The following KLHL3 variants were observed in gnomAD, a reference collection of about 807,000 sequenced individuals.
The protein encoded by KLHL3 is kelch-like protein 3.
Under a neutral mutation model 70.5 loss-of-function variants are expected in KLHL3, and 19 were observed. That is an observed-to-expected ratio of 0.27 (90% CI 0.19 to 0.40). The LOEUF is 0.40. Among genes scored for constraint, KLHL3 ranks in the 10% least tolerant of loss-of-function variants. The pLI is 1.00. For synonymous variants in KLHL3, 258 were observed against 290.3 expected (o/e 0.89, Z 1.13); for missense variants, 512 against 771.1 (o/e 0.66, Z 3.98).
chr5:137,725,802 C>T (rs528994782), intron 1 of KLHL3, among the ~76,000 whole-genome samples: 2 of 152,186 alleles, frequency 1.3e-5, no homozygotes, highest in Non-Finnish European at 2.9e-5. Flanking sequence ...ACTACTGGTG[C>T]CATGATGAAC....
At chr5:137,699,660 C>T (rs137889934) in intron 3 of KLHL3, among the ~76,000 whole-genome samples, 98 of 152,270 alleles carry the variant, frequency 6.4e-4, no homozygotes, top group African/African-American at 1.5e-3. Flanking sequence ...ACGGGTTTAT[C>T]GAAAGCCAGG....
intron 2 of KLHL3, among the ~76,000 whole-genome samples, chr5:137,716,567 T>C (rs527682951): frequency 2.6e-5 from 4 of 152,274 alleles, no homozygotes; most frequent in South Asian, 2.1e-4. Context: ...CAATAAGCTA[T>C]AGAAGGAGCC....
At chr5:137,623,746 T>C (rs894024809) in intron 14 of KLHL3, among the ~76,000 whole-genome samples, 1 of 152,184 alleles carries the variant, frequency 6.6e-6, no homozygotes, top group African/African-American at 2.4e-5. Flanking sequence ...TCTTCACAAG[T>C]ATTACTGCAT....
intron 11 of KLHL3, 147 bp downstream of exon 11, chr5:137,637,147 C>T: frequency 1.7e-6 from 1 of 601,006 alleles, no homozygotes; most frequent in Non-Finnish European, 3.0e-6. Context: ...CTTTCCTCAT[C>T]CGCTAAATCA....
intron 8 of KLHL3, among the ~76,000 whole-genome samples, chr5:137,648,331 T>C (rs1413759204): frequency 6.6e-6 from 1 of 152,196 alleles, no homozygotes; most frequent in Non-Finnish European, 1.5e-5. Flanking sequence ...ACAGCCCAAC[T>C]CAGGAGCAAG....
In KLHL3 at chr5:137,639,604, G is replaced by T. The variant is rs575314080; in HGVS notation, c.1021+256C>A. On this transcript the variant is annotated intron_variant, in intron 9 of 14. Coordinates refer to ENST00000309755, the MANE Select transcript of KLHL3 (RefSeq NM_017415.3). The surrounding 1 kb of genome is among the most constrained non-coding windows in gnomAD (Gnocchi z 5.0). The stretch of plus-strand genomic sequence containing the variant: ...AGCTACTTGGAAGGCTGAGGTGAGA[G>T]AATCACTTGAACCCAGGAGGCAGAC... 1.3e-5 allele frequency among the ~76,000 whole-genome samples: 2 copies of T among 151,254 alleles called. No homozygotes were observed. Among genetic ancestry groups the T allele is most frequent in the East Asian group, 3.9e-4 (2 of 5,102 alleles).
rs180892133 is a variant in KLHL3, at chr5:137,727,657, A to G, written c.15-7073T>C. On this transcript the variant is annotated intron_variant, in intron 1 of 14. Coordinates refer to ENST00000309755, the MANE Select transcript of KLHL3 (RefSeq NM_017415.3). ...ATTCTCCCGTGTCTAGCTAGTTCCTACCAGCCTTCAAGCCTCTTCCCTGAA... is the reference window on the plus strand; with the variant it reads ...ATTCTCCCGTGTCTAGCTAGTTCCTGCCAGCCTTCAAGCCTCTTCCCTGAA... 2.6e-5 allele frequency among the ~76,000 whole-genome samples: 4 copies of G among 152,268 alleles called. No homozygotes were observed. The East Asian group carries it at 7.7e-4, about 29-fold the overall frequency.
Position 137,637,407 on chromosome 5 carries a change from G to A in KLHL3, c.1220-12C>T, listed in dbSNP as rs377696339. On this transcript the variant is annotated splice_polypyrimidine_tract_variant and intron_variant, in intron 10 of 14. Coordinates refer to ENST00000309755, the MANE Select transcript of KLHL3 (RefSeq NM_017415.3). ...CACCGATGCTAGGCCTGGGAGACAAGAGACTCATGAGACTTCCGTGGCACC... is the reference window on the plus strand; with the variant it reads ...CACCGATGCTAGGCCTGGGAGACAAAAGACTCATGAGACTTCCGTGGCACC... The A allele has an allele frequency of 2.1e-4, 339 of 1,609,374 alleles. No homozygotes were observed. Among genetic ancestry groups the A allele is most frequent in the Non-Finnish European group, 2.9e-4 (336 of 1,175,872 alleles).
intron 1 of KLHL3, among the ~76,000 whole-genome samples, chr5:137,728,006 T>C (rs962980913): frequency 2.6e-5 from 4 of 152,286 alleles, no homozygotes; most frequent in Admixed American, 2.6e-4. Flanking sequence ...ATCATATCAC[T>C]GTATAGTATT....
chr5:137,689,398 T>C (rs542299906), intron 5 of KLHL3, among the ~76,000 whole-genome samples: 1 of 152,330 alleles, frequency 6.6e-6, no homozygotes, highest in South Asian at 2.1e-4. Context: ...CATTAAGCAC[T>C]ATTCACAATA....
At chr5:137,725,053 C>T in intron 1 of KLHL3, 1 of 985,242 alleles carries the variant, frequency 1.0e-6, no homozygotes, top group Non-Finnish European at 1.2e-6. Context: ...ACCTTTTTCC[C>T]TCCATTCATT....
rs138727747 is a variant in KLHL3, at chr5:137,620,140, C to T, written c.*1958G>A. 1 of 152,242 alleles carries T rather than the reference C, an allele frequency of 6.6e-6. No homozygotes were observed. Among genetic ancestry groups the T allele is most frequent in the African/African-American group, 2.4e-5 (1 of 41,462 alleles). 9.4% of individuals were successfully genotyped at this position (152,242 alleles called of 1,614,324 possible). On this transcript the variant is annotated 3_prime_UTR_variant, in exon 15 of 15. Coordinates refer to ENST00000309755, the MANE Select transcript of KLHL3 (RefSeq NM_017415.3). ...TTCATAGTGAGACCAGAGCACTCAA[C>T]TAAAACATGCCTTGCTTCCTTTGGA...
At chr5:137,705,540 C>T (rs1752668816) in intron 3 of KLHL3, among the ~76,000 whole-genome samples, 1 of 152,184 alleles carries the variant, frequency 6.6e-6, no homozygotes, top group South Asian at 2.1e-4. Flanking sequence ...AAAACAAAAA[C>T]CAATCTAAAT....
chr5:137,617,668 C>T lies in KLHL3; in HGVS notation c.*4430G>A, dbSNP rs1158087389. Reference sequence around the variant, plus strand: ...CAGTCCCTAACAGCCACGCAGAGAACACCAGATCGAGGATCTTACCTATGC... The same window carrying T: ...CAGTCCCTAACAGCCACGCAGAGAATACCAGATCGAGGATCTTACCTATGC... On this transcript the variant is annotated 3_prime_UTR_variant, in exon 15 of 15. Coordinates refer to ENST00000309755, the MANE Select transcript of KLHL3 (RefSeq NM_017415.3). 1 of 152,226 alleles carries T rather than the reference C, an allele frequency of 6.6e-6. No individual in the cohort carries two copies. Among genetic ancestry groups the T allele is most frequent in the East Asian group, 1.9e-4 (1 of 5,196 alleles). 9.4% of individuals were successfully genotyped at this position (152,226 alleles called of 1,614,324 possible).
At chr5:137,647,426 A>T in intron 8 of KLHL3, 1 of 350,998 alleles carries the variant, frequency 2.8e-6, no homozygotes, top group South Asian at 2.0e-5. Flanking sequence ...TCAAGACCCT[A>T]GCCCTGGCCT....
intron 13 of KLHL3, 50 bp downstream of exon 13, chr5:137,628,247 G>C (rs953386950): frequency 6.2e-7 from 1 of 1,605,496 alleles, no homozygotes; most frequent in African/African-American, 1.3e-5. Context: ...TGTCTTCAGG[G>C]AGAAAAGGCA....
At chr5:137,634,295 AC>A in intron 11 of KLHL3, 130 bp from the exon 12 acceptor site, 2 of 978,098 alleles carry the variant, frequency 2.0e-6, no homozygotes, top group Non-Finnish European at 2.9e-6. Context: ...TCTCCAGGGG[AC>A]CACCAACTTA....
intron 8 of KLHL3, among the ~76,000 whole-genome samples, chr5:137,644,017 A>T (rs1750981754): frequency 6.6e-6 from 1 of 152,100 alleles, no homozygotes; most frequent in South Asian, 2.1e-4. Context: ...TTCATTTAAC[A>T]TAATGTTCTC....
intron 8 of KLHL3, among the ~76,000 whole-genome samples, chr5:137,651,034 T>C (rs544028155): frequency 6.6e-6 from 1 of 152,300 alleles, no homozygotes; most frequent in South Asian, 2.1e-4. Context: ...CAAAGGAGGA[T>C]ATAAAGTAGG....
Sources: gnomAD v4.1 joint callset for allele counts (sites outside exome capture counted in the v4.1 genomes callset) on GRCh38, gnomAD v4.1.1 for gene constraint, Gnocchi (gnomAD v3.1) non-coding constraint, MANE v1.5 for transcripts, NCBI Gene and HGNC (gene_info 2026-07-23, HGNC 2026-07-21) for gene names.